The following NEK10 variants were observed in gnomAD, a reference collection of about 807,000 sequenced individuals.
NEK10 encodes serine/threonine-protein kinase Nek10.
NEK10 carries 122 observed loss-of-function variants against 159.8 expected under a neutral mutation model. The observed-to-expected ratio is 0.76, with a 90% confidence interval of 0.66 to 0.89. The LOEUF (loss-of-function observed/expected upper bound fraction) is 0.89, where lower values mean the gene tolerates loss of function less well. NEK10 is among the 40% of genes least tolerant of loss of function. NEK10 has a pLI of 0.00. For synonymous variants in NEK10, 466 were observed against 457.1 expected, an observed-to-expected ratio of 1.02 and a Z score of -0.25; for missense variants, 1,342 against 1,323.1, an observed-to-expected ratio of 1.01 and a Z score of -0.22.
intron 32 of NEK10, among the ~76,000 whole-genome samples, chr3:27,124,399 G>C (rs908704333): frequency 5.3e-5 from 8 of 152,160 alleles, no homozygotes; most frequent in Admixed American, 2.0e-4. Flanking sequence ...TTTAACAATA[G>C]TAGTACTAAT....
At chr3:27,115,500 A>T (rs530102704) in intron 35 of NEK10, among the ~76,000 whole-genome samples, 6 of 152,308 alleles carry the variant, frequency 3.9e-5, no homozygotes, top group African/African-American at 1.4e-4. Context: ...CCACAAATAT[A>T]TCTTAAATTC....
intron 5 of NEK10, among the ~76,000 whole-genome samples, chr3:27,339,529 C>T (rs776082268): frequency 9.9e-5 from 15 of 151,920 alleles, no homozygotes; most frequent in Admixed American, 2.0e-4. Flanking sequence ...GCTTGTAATC[C>T]CAGCATTTTG....
intron 25 of NEK10, chr3:27,194,822 T>C (rs1289485368): frequency 6.6e-6 from 1 of 152,234 alleles, no homozygotes; most frequent in Non-Finnish European, 1.5e-5. Context: ...GAAATGTTCT[T>C]CCTTTTTAAA....
At chr3:27,209,872 T>G (rs765527775) in intron 23 of NEK10, among the ~76,000 whole-genome samples, 18 of 89,566 alleles carry the variant, frequency 2.0e-4, no homozygotes, top group Non-Finnish European at 4.3e-4. Flanking sequence ...TTCTTGAAAA[T>G]CTGTCTTTTG....
At chr3:27,119,634 T>C in intron 33 of NEK10, 126 bp downstream of exon 33, 2 of 662,420 alleles carry the variant, frequency 3.0e-6, no homozygotes, top group Non-Finnish European at 5.1e-6. Context: ...CTTCCAACTA[T>C]TGCTATAAAT....
chr3:27,272,845 A>T (rs1251858397), intron 22 of NEK10, among the ~76,000 whole-genome samples: 1 of 151,858 alleles, frequency 6.6e-6, no homozygotes, highest in Admixed American at 6.6e-5. Flanking sequence ...TTGTGATAAG[A>T]TCATTAAAGA....
intron 23 of NEK10, among the ~76,000 whole-genome samples, chr3:27,248,319 A>G (rs954960663): frequency 6.6e-6 from 1 of 151,586 alleles, no homozygotes; most frequent in Non-Finnish European, 1.5e-5. Flanking sequence ...ACAACTTTCC[A>G]TTTTGTTGAT....
intron 23 of NEK10, among the ~76,000 whole-genome samples, chr3:27,214,256 C>A (rs1248652749): frequency 6.6e-6 from 1 of 152,186 alleles, no homozygotes; most frequent in Non-Finnish European, 1.5e-5. Context: ...CAAGCTGTAA[C>A]CCAACCACCC....
intron 30 of NEK10, chr3:27,162,142 C>G (rs1025093395): frequency 1.1e-5 from 3 of 277,440 alleles, no homozygotes; most frequent in African/African-American, 6.5e-5. Context: ...ACAGAAATAC[C>G]TATGTAAAAC....
chr3:27,169,451 A>G (rs1325346075), intron 29 of NEK10, among the ~76,000 whole-genome samples: 2 of 152,176 alleles, frequency 1.3e-5, no homozygotes, highest in East Asian at 3.9e-4. Flanking sequence ...GAGGTCTTAC[A>G]GGGTTTTATC....
At chr3:27,329,800 TG>T (rs1185220695) in intron 5 of NEK10, among the ~76,000 whole-genome samples, 10 of 152,220 alleles carry the variant, frequency 6.6e-5, no homozygotes. Context: ...CTCAGGACCT[TG>T]GACCTTACCT....
chr3:27,355,574 G>C (rs1421576260), intron 1 of NEK10, among the ~76,000 whole-genome samples: 1 of 151,968 alleles, frequency 6.6e-6, no homozygotes, highest in Non-Finnish European at 1.5e-5. Flanking sequence ...AAACTAGTTA[G>C]CTTTCCCTTC....
At chr3:27,141,994 A>G (rs1428353528) in intron 30 of NEK10, among the ~76,000 whole-genome samples, 1 of 152,164 alleles carries the variant, frequency 6.6e-6, no homozygotes, top group African/African-American at 2.4e-5. Context: ...TTTAAGACTA[A>G]TTTTATCAAA....
rs552638622 is a variant in NEK10 at position 27,218,383 on chromosome 3, G to A, written c.2091-15826C>T. Among the ~76,000 whole-genome samples the A allele has an allele frequency of 3.9e-5, 6 of 152,228 alleles. No individual in the cohort carries two copies. In the East Asian group the frequency reaches 1.2e-3, roughly 29 times the overall value. ...GCACTTTGGGAGACCAAGGCGGGCG[G>A]ATCACAAGGTCAGGAGTTTGAGACT... On this transcript the variant is annotated intron_variant, in intron 23 of 35. Transcript: ENST00000691995.
At chr3:27,337,344 C>T (rs1419761086) in intron 5 of NEK10, among the ~76,000 whole-genome samples, 1 of 152,042 alleles carries the variant, frequency 6.6e-6, no homozygotes, top group Non-Finnish European at 1.5e-5. Context: ...GAAAGACATT[C>T]CATGCTCGTG....
In NEK10 at chr3:27,246,809, T is replaced by C. The variant is rs186106844; in HGVS notation, c.2090+9487A>G. Among the ~76,000 whole-genome samples, 452 of 152,320 alleles carry C rather than the reference T, an allele frequency of 3.0e-3. 4 individuals are homozygous for C. Among genetic ancestry groups the C allele is most frequent in the African/African-American group, 9.2e-3 (383 of 41,572 alleles). ...TATTCCCACACAATTTTTAGTCCCATATTTCACTTCTTCGGTTAAGTTAAT... is the reference window on the plus strand; with the variant it reads ...TATTCCCACACAATTTTTAGTCCCACATTTCACTTCTTCGGTTAAGTTAAT... On this transcript the variant is annotated intron_variant, in intron 23 of 35. Coordinates refer to ENST00000691995, the MANE Select transcript of NEK10 (RefSeq NM_001394966.1).
chr3:27,296,737 T>C (rs940137090), intron 14 of NEK10, among the ~76,000 whole-genome samples: 2 of 152,140 alleles, frequency 1.3e-5, no homozygotes, highest in Non-Finnish European at 2.9e-5. Context: ...GTAGATTAAT[T>C]AGTGGATTAT....
At chr3:27,350,221 G>A (rs1330621833) in intron 3 of NEK10, among the ~76,000 whole-genome samples, 1 of 152,118 alleles carries the variant, frequency 6.6e-6, no homozygotes. Flanking sequence ...TTGCCCATGT[G>A]TATATTTTGT....
intron 23 of NEK10, among the ~76,000 whole-genome samples, chr3:27,223,784 C>G (rs1373688400): frequency 6.6e-6 from 1 of 152,186 alleles, no homozygotes; most frequent in Non-Finnish European, 1.5e-5. Flanking sequence ...AAACACTCCC[C>G]TGAGGCTCCA....
Sources: allele counts gnomAD v4.1 joint callset (sites outside exome capture counted in the v4.1 genomes callset), GRCh38; gene constraint gnomAD v4.1.1; transcripts MANE v1.5; gene names NCBI Gene and HGNC (gene_info 2026-07-23, HGNC 2026-07-21).